Variants in DLGAP2 observed in about 807,000 individuals in gnomAD.
DLGAP2 encodes DLG associated protein 2, also known as disks large-associated protein 2.
In DLGAP2, 26 loss-of-function variants were observed where a neutral mutation model predicts 100.3. That is an observed-to-expected ratio of 0.26 (90% CI 0.19 to 0.36). DLGAP2 has a LOEUF of 0.36. DLGAP2 is among the 10% of genes least tolerant of loss of function. DLGAP2 has a pLI of 1.00. For missense variants in DLGAP2, 1,858 were observed against 1,453.2 expected, an observed-to-expected ratio of 1.28 and a Z score of -4.53; for synonymous variants, 886 against 630.1, an observed-to-expected ratio of 1.41 and a Z score of -6.08.
chr8:1,030,227 G>A (rs1423922993), intron 2 of DLGAP2, among the ~76,000 whole-genome samples: 1 of 152,236 alleles, frequency 6.6e-6, no homozygotes, highest in African/African-American at 2.4e-5. Flanking sequence ...AGATCCAGAT[G>A]TTCAGCCTCG....
intron 3 of DLGAP2, among the ~76,000 whole-genome samples, chr8:1,446,399 T>A (rs1325316551): frequency 2.0e-5 from 3 of 152,172 alleles, no homozygotes; most frequent in African/African-American, 7.2e-5. Flanking sequence ...ATCAGATGGT[T>A]GTAGATATGT....
chr8:754,636 G>C (rs1820878001), intron 1 of DLGAP2, among the ~76,000 whole-genome samples: 1 of 152,186 alleles, frequency 6.6e-6, no homozygotes, highest in Non-Finnish European at 1.5e-5. Flanking sequence ...GGAAGATTGA[G>C]GTCAGGAGTT....
chr8:1,449,720 C>T (rs374079486), intron 3 of DLGAP2, among the ~76,000 whole-genome samples: 7 of 152,248 alleles, frequency 4.6e-5, no homozygotes, highest in African/African-American at 1.4e-4. Context: ...GCTGCCAGGA[C>T]AAGCCTTGCT....
chr8:856,291 C>G (rs576048019), intron 1 of DLGAP2, among the ~76,000 whole-genome samples: 5 of 150,960 alleles, frequency 3.3e-5, no homozygotes, highest in Admixed American at 2.7e-4. Context: ...CGGGTTCAAG[C>G]AATTCTCCTG....
intron 3 of DLGAP2, among the ~76,000 whole-genome samples, chr8:1,322,629 T>G (rs1800930561): frequency 6.8e-6 from 1 of 147,884 alleles, no homozygotes; most frequent in African/African-American, 2.5e-5. Flanking sequence ...GCCTCTGTGA[T>G]TTCACGTGTA....
At chr8:890,274 C>T (rs1186356171) in intron 1 of DLGAP2, among the ~76,000 whole-genome samples, 2 of 152,192 alleles carry the variant, frequency 1.3e-5, no homozygotes, top group Admixed American at 6.5e-5. Context: ...GAGCCATGCA[C>T]GTGCACGCGC....
intron 3 of DLGAP2, among the ~76,000 whole-genome samples, chr8:1,374,922 A>G (rs1361120578): frequency 2.6e-5 from 4 of 152,142 alleles, no homozygotes; most frequent in Non-Finnish European, 5.9e-5. Context: ...CAAGCCCAAT[A>G]CGACAGCCAG....
intron 1 of DLGAP2, among the ~76,000 whole-genome samples, chr8:853,732 T>G (rs1797224249): frequency 6.6e-6 from 1 of 152,222 alleles, no homozygotes; most frequent in African/African-American, 2.4e-5. Flanking sequence ...TGTTTGTCAT[T>G]TAATTTAATA....
chr8:1,335,307 C>A (rs11136386), intron 3 of DLGAP2, among the ~76,000 whole-genome samples: 67,238 of 152,048 alleles, frequency 0.44, 18,232 homozygotes, highest in African/African-American at 0.77. Context: ...GGAGAAACAA[C>A]CTTCAGCTGG....
intron 2 of DLGAP2, among the ~76,000 whole-genome samples, chr8:920,088 T>A (rs1259599365): frequency 6.6e-6 from 1 of 151,844 alleles, no homozygotes; most frequent in East Asian, 1.9e-4. Context: ...AGGAGAGAGG[T>A]CCAGGGAAAC....
chr8:806,495 C>T (rs1265695843), intron 1 of DLGAP2, among the ~76,000 whole-genome samples: 1 of 152,160 alleles, frequency 6.6e-6, no homozygotes, highest in East Asian at 1.9e-4. Context: ...TAGGGCTCCC[C>T]AAAGGGAGAC....
chr8:1,694,159 T>C (rs1799321237), intron 13 of DLGAP2, among the ~76,000 whole-genome samples: 2 of 152,224 alleles, frequency 1.3e-5, no homozygotes, highest in African/African-American at 2.4e-5. Flanking sequence ...GGCTACATCC[T>C]TTTCTTTCAA....
rs186399000 is a variant in DLGAP2, at chr8:1,517,828, A to C, written c.172+16397A>C. On this transcript the variant is annotated intron_variant, in intron 4 of 14. Coordinates refer to ENST00000637795, the MANE Select transcript of DLGAP2 (RefSeq NM_001346810.2). ...TGTGTGTTTATTTTCCAAAAACAAG[A>C]CATTGGCATGATAGTGTGGCCCTGG... Among the ~76,000 whole-genome samples the C allele has an allele frequency of 2.6e-5, 4 of 152,324 alleles. No homozygotes were observed. In the East Asian group the frequency reaches 7.7e-4, roughly 29 times the overall value.
intron 2 of DLGAP2, among the ~76,000 whole-genome samples, chr8:1,147,792 G>A (rs948891083): frequency 2.0e-5 from 3 of 151,948 alleles, no homozygotes; most frequent in Non-Finnish European, 4.4e-5. Flanking sequence ...CAATACAGTG[G>A]TATAGTGATT....
chr8:1,700,349 G>C (rs1350225321), intron 14 of DLGAP2, among the ~76,000 whole-genome samples: 1 of 152,178 alleles, frequency 6.6e-6, no homozygotes, highest in Non-Finnish European at 1.5e-5. Context: ...TGGCTACGGA[G>C]AGTCCCTGTC....
intron 4 of DLGAP2, among the ~76,000 whole-genome samples, chr8:1,508,121 C>A (rs1799997933): frequency 6.6e-6 from 1 of 151,898 alleles, no homozygotes; most frequent in Non-Finnish European, 1.5e-5. Flanking sequence ...CATCAGATAC[C>A]TTTAAAGTTA....
rs1021551611 is a variant in DLGAP2 at position 1,193,029 on chromosome 8, T to G, written c.74-65822T>G. On this transcript the variant is annotated intron_variant, in intron 2 of 14. Transcript: ENST00000637795. ...ATCAATTTTTATGGCTGCATAGTATTCCATGGTGTATATGTGCCACATTTT... is the reference window on the plus strand; with the variant it reads ...ATCAATTTTTATGGCTGCATAGTATGCCATGGTGTATATGTGCCACATTTT... Among the ~76,000 whole-genome samples, 4 of 152,282 alleles carry G rather than the reference T, an allele frequency of 2.6e-5. 1 individual carries two copies. The South Asian group carries it at 8.3e-4, about 32-fold the overall frequency.
intron 2 of DLGAP2, among the ~76,000 whole-genome samples, chr8:1,001,558 G>T (rs772032336): frequency 6.6e-6 from 1 of 152,124 alleles, no homozygotes; most frequent in East Asian, 1.9e-4. Context: ...AACCTCAAAC[G>T]AAAGTTACGG....
chr8:1,477,081 G>A (rs372356128), intron 3 of DLGAP2, among the ~76,000 whole-genome samples: 29 of 152,330 alleles, frequency 1.9e-4, no homozygotes, highest in African/African-American at 6.7e-4. Context: ...AATTAATCAC[G>A]TCACTGCCGC....
Sources: gnomAD v4.1 joint callset for allele counts (sites outside exome capture counted in the v4.1 genomes callset) on GRCh38, gnomAD v4.1.1 for gene constraint, MANE v1.5 for transcripts, NCBI Gene and HGNC (gene_info 2026-07-23, HGNC 2026-07-21) for gene names.